CLIP4: variants seen among roughly 807,000 people sequenced by gnomAD.
CLIP4 encodes CAP-Gly domain-containing linker protein 4.
In CLIP4, 47 loss-of-function variants were observed where a neutral mutation model predicts 73.1. The observed-to-expected ratio is 0.64, with a 90% CI of 0.51 to 0.82. The LOEUF is 0.82. Among genes scored for constraint, CLIP4 ranks in the 40% least tolerant of loss-of-function variants. The probability of loss-of-function intolerance (pLI) is 0.00; values close to 1 mark genes in which losing one functional copy is unlikely to be tolerated. For synonymous variants in CLIP4, 306 were observed against 295.4 expected (o/e 1.04, Z -0.37); for missense variants, 874 against 852.9 (o/e 1.02, Z -0.31).
intron 2 of CLIP4, 71 bp from the exon 3 acceptor site, chr2:29,131,187 A>G: frequency 7.9e-7 from 1 of 1,264,446 alleles, no homozygotes; most frequent in South Asian, 1.5e-5. Flanking sequence ...CCTTGGTTTT[A>G]TTGTTTATTA....
intron 15 of CLIP4, among the ~76,000 whole-genome samples, chr2:29,179,677 C>T (rs1044775469): frequency 2.6e-5 from 4 of 152,150 alleles, no homozygotes; most frequent in African/African-American, 7.2e-5. Flanking sequence ...TGTCATCATT[C>T]CTATGAAAAT....
intron 2 of CLIP4, among the ~76,000 whole-genome samples, chr2:29,127,600 G>A (rs1364166689): frequency 1.3e-5 from 2 of 152,016 alleles, no homozygotes; most frequent in Admixed American, 1.3e-4. Flanking sequence ...TCAGTCCCCT[G>A]TAATTCTTGT....
chr2:29,167,459 C>G lies in CLIP4; in HGVS notation c.1659-17C>G, dbSNP rs373727324. ...GACCAGCTACTTCTAACGAGATGTC[C>G]TTTGTTTTATTCATAGAGTAACAGA... On this transcript the variant is annotated splice_polypyrimidine_tract_variant and intron_variant, in intron 13 of 15. Coordinates refer to ENST00000320081, the MANE Select transcript of CLIP4 (RefSeq NM_024692.6). 28 of 1,578,902 alleles carry G rather than the reference C, an allele frequency of 1.8e-5. No homozygotes were observed. Among genetic ancestry groups the G allele is most frequent in the Middle Eastern group, 1.7e-4 (1 of 5,962 alleles).
At chr2:29,118,650 C>G (rs1664039584) in intron 1 of CLIP4, among the ~76,000 whole-genome samples, 1 of 151,758 alleles carries the variant, frequency 6.6e-6, no homozygotes, top group Admixed American at 6.6e-5. Context: ...TCCTGAGTAG[C>G]TGGGATTACA....
chr2:29,138,808 T>C (rs760121368), intron 6 of CLIP4, among the ~76,000 whole-genome samples: 1 of 152,124 alleles, frequency 6.6e-6, no homozygotes, highest in African/African-American at 2.4e-5. Flanking sequence ...CTGAGTGTTA[T>C]TGGTGTATAG....
intron 14 of CLIP4, among the ~76,000 whole-genome samples, chr2:29,171,599 A>G (rs1432541324): frequency 6.6e-6 from 1 of 151,732 alleles, no homozygotes; most frequent in Non-Finnish European, 1.5e-5. Flanking sequence ...GCTCACTGCA[A>G]ACTCCATCTC....
chr2:29,163,735 G>A, intron 12 of CLIP4, 96 bp from the exon 13 acceptor site: 1 of 1,227,482 alleles, frequency 8.1e-7, no homozygotes. Context: ...GGTCATTTAT[G>A]GAAATGTTAA....
intron 1 of CLIP4, among the ~76,000 whole-genome samples, chr2:29,105,099 A>G (rs1300132556): frequency 6.6e-6 from 1 of 152,200 alleles, no homozygotes; most frequent in Non-Finnish European, 1.5e-5. Context: ...TGTTATTGCT[A>G]GGCTGCAATG....
chr2:29,104,132 G>C (rs1464654320), intron 1 of CLIP4, among the ~76,000 whole-genome samples: 1 of 152,108 alleles, frequency 6.6e-6, no homozygotes, highest in Non-Finnish European at 1.5e-5. Context: ...GGTTTTAATT[G>C]TGTTCTCTCA....
In CLIP4 at chr2:29,181,717, T is replaced by A. The variant is rs144813056; in HGVS notation, c.1942T>A (p.Phe648Ile). Residue 648 changes from phenylalanine (F) to isoleucine (I), a missense_variant, in exon 16 of 16, where the codon TTT becomes ATT. Transcript: ENST00000320081. ...GTVRYVGPTD[F>I]ASGIWLGLEL... is the part of the protein sequence containing the mutation. ...TGTTAGGTATGTGGGCCCCACTGAC[T>A]TTGCTTCAGGTATCTGGCTTGGACT... The A allele has an allele frequency of 6.2e-7, 1 of 1,614,034 alleles. No individual in the cohort carries two copies. The highest frequency in any genetic ancestry group is 1.3e-5 in the African/African-American group (1 of 74,906).
At chr2:29,140,376 A>T (rs1665677150) in intron 6 of CLIP4, among the ~76,000 whole-genome samples, 1 of 151,850 alleles carries the variant, frequency 6.6e-6, no homozygotes, top group South Asian at 2.1e-4. Flanking sequence ...GATGATTTCC[A>T]ATTTCATCCA....
rs1436959672 is a variant in CLIP4, at chr2:29,183,270, T to G, written c.*1377T>G. 2 of 152,676 alleles carry G rather than the reference T, an allele frequency of 1.3e-5. No homozygotes were observed. The highest frequency in any genetic ancestry group is 3.8e-4 in the East Asian group (2 of 5,208). The allele number at this position is 152,676 out of a possible 1,614,324, so 9.5% of individuals were successfully genotyped here. A position where few individuals can be genotyped will look rare whatever the true frequency, so the allele number is the denominator to read the frequency against. ...CTTCAGAATGGAGCTTGCCTTGTGC[T>G]TAGAAATAATATGTTGAACTATTTT... is the stretch of plus-strand genomic sequence containing the variant. On this transcript the variant is annotated 3_prime_UTR_variant, in exon 16 of 16. Transcript: ENST00000320081.
At chr2:29,157,141 AC>A in intron 10 of CLIP4, 62 bp from the exon 11 acceptor site, 1 of 1,438,282 alleles carries the variant, frequency 7.0e-7, no homozygotes, top group Admixed American at 1.7e-5. Flanking sequence ...ATTTGCCTTG[AC>A]AAGCTGCTTC....
chr2:29,166,660 C>T (rs1043757817), intron 13 of CLIP4, among the ~76,000 whole-genome samples: 24 of 152,132 alleles, frequency 1.6e-4, no homozygotes, highest in African/African-American at 5.6e-4. Flanking sequence ...AGAATTCACT[C>T]CCTCTCAACT....
At chr2:29,166,097 T>C (rs1667597105) in intron 13 of CLIP4, among the ~76,000 whole-genome samples, 2 of 152,178 alleles carry the variant, frequency 1.3e-5, no homozygotes, top group South Asian at 2.1e-4. Context: ...TTAGCACTTA[T>C]GCTGTGCTAG....
intron 1 of CLIP4, among the ~76,000 whole-genome samples, chr2:29,117,047 T>C (rs564832653): frequency 1.3e-5 from 2 of 152,380 alleles, no homozygotes; most frequent in East Asian, 1.9e-4. Context: ...CCCTTGTTAA[T>C]TATTTATAAT....
intron 14 of CLIP4, among the ~76,000 whole-genome samples, chr2:29,174,021 T>A (rs917472650): frequency 6.6e-6 from 1 of 152,244 alleles, no homozygotes; most frequent in Non-Finnish European, 1.5e-5. Context: ...TCTTCACTTA[T>A]TCATCTATGT....
rs1214301538 is a variant in CLIP4, at chr2:29,181,722, T to C, written c.1947T>C (p.Ala649=). 1 of 1,614,060 alleles carries C rather than the reference T, an allele frequency of 6.2e-7. No homozygotes were observed. Among genetic ancestry groups the C allele is most frequent in the Non-Finnish European group, 8.5e-7 (1 of 1,180,028 alleles). Residue 649 remains alanine, a synonymous_variant, in exon 16 of 16, where the codon GCT becomes GCC. Coordinates refer to ENST00000320081, the MANE Select transcript of CLIP4 (RefSeq NM_024692.6). Reference sequence around the variant, plus strand: ...GGTATGTGGGCCCCACTGACTTTGCTTCAGGTATCTGGCTTGGACTTGAGC... The same window carrying C: ...GGTATGTGGGCCCCACTGACTTTGCCTCAGGTATCTGGCTTGGACTTGAGC... ...TVRYVGPTDF[A]SGIWLGLELR...
chr2:29,181,022 T>C (rs1668615225), intron 15 of CLIP4, among the ~76,000 whole-genome samples: 1 of 152,126 alleles, frequency 6.6e-6, no homozygotes, highest in African/African-American at 2.4e-5. Context: ...CCTGCTTGCC[T>C]GCAACAGTTG....
Sources: gnomAD v4.1 joint callset for allele counts (sites outside exome capture counted in the v4.1 genomes callset) on GRCh38, gnomAD v4.1.1 for gene constraint, MANE v1.5 for transcripts, NCBI Gene and HGNC (gene_info 2026-07-23, HGNC 2026-07-21) for gene names.